Variants in IGSF11 observed in about 807,000 individuals in gnomAD.
IGSF11 encodes immunoglobulin superfamily member 11.
A neutral mutation model predicts 41.0 loss-of-function variants in IGSF11; 22 were observed. The observed-to-expected ratio is 0.54, with a 90% CI of 0.38 to 0.77. The LOEUF is 0.77. Ranked by LOEUF, IGSF11 falls within the 30% of genes least tolerant of loss-of-function variation. IGSF11 has a pLI of 0.00. For missense variants in IGSF11, 444 were observed against 530.8 expected (o/e 0.84, Z 1.61); for synonymous variants, 219 against 201.3 (o/e 1.09, Z -0.74).
chr3:118,951,084 C>T (rs1195278659), intron 1 of IGSF11, among the ~76,000 whole-genome samples: 1 of 152,184 alleles, frequency 6.6e-6, no homozygotes, highest in African/African-American at 2.4e-5. Context: ...TGTATCTGCA[C>T]CACCCAACAT....
At chr3:119,079,333 C>T (rs1284022717) in intron 1 of IGSF11, among the ~76,000 whole-genome samples, 1 of 151,600 alleles carries the variant, frequency 6.6e-6, no homozygotes. Context: ...GCACTCCAGC[C>T]TGTGTGACAG....
chr3:118,959,086 A>ACATC (rs1202522096), intron 1 of IGSF11, among the ~76,000 whole-genome samples: 1 of 152,194 alleles, frequency 6.6e-6, no homozygotes, highest in Non-Finnish European at 1.5e-5. Flanking sequence ...AATGTTGGAT[A>ACATC]CATCATATTA....
intron 1 of IGSF11, among the ~76,000 whole-genome samples, chr3:118,941,292 T>C (rs565966001): frequency 6.6e-6 from 1 of 152,156 alleles, no homozygotes; most frequent in Admixed American, 6.5e-5. Flanking sequence ...AAACAAACAG[T>C]CCAATTTTTT....
intron 1 of IGSF11, among the ~76,000 whole-genome samples, chr3:119,132,707 C>T (rs2077502151): frequency 1.3e-5 from 2 of 152,110 alleles, no homozygotes; most frequent in Admixed American, 6.5e-5. Context: ...CTCAGCTCTA[C>T]ACCAAGCAGA....
At chr3:119,014,377 C>A (rs973751914) in intron 1 of IGSF11, among the ~76,000 whole-genome samples, 1 of 152,192 alleles carries the variant, frequency 6.6e-6, no homozygotes, top group East Asian at 1.9e-4. Flanking sequence ...TGTACCTAAA[C>A]AACCCTGCCA....
intron 1 of IGSF11, among the ~76,000 whole-genome samples, chr3:119,135,349 C>T (rs1471473502): frequency 6.6e-6 from 1 of 152,178 alleles, no homozygotes; most frequent in Non-Finnish European, 1.5e-5. Flanking sequence ...CTACAAAAAA[C>T]TCAAACAAAT....
intron 1 of IGSF11, among the ~76,000 whole-genome samples, chr3:118,967,989 G>A (rs570827619): frequency 6.6e-6 from 1 of 152,272 alleles, no homozygotes; most frequent in Non-Finnish European, 1.5e-5. Flanking sequence ...GAGAGAGAGA[G>A]AGAGAATTTT....
intron 1 of IGSF11, among the ~76,000 whole-genome samples, chr3:118,951,444 C>A (rs549731165): frequency 6.6e-6 from 1 of 152,114 alleles, no homozygotes; most frequent in Non-Finnish European, 1.5e-5. Flanking sequence ...CAACTACACA[C>A]ACACATAAGC....
chr3:119,120,807 A>G (rs902211203), intron 1 of IGSF11, among the ~76,000 whole-genome samples: 2 of 152,250 alleles, frequency 1.3e-5, no homozygotes, highest in Non-Finnish European at 2.9e-5. Flanking sequence ...TTCCAGGTAC[A>G]GCTGATGGAA....
At position 118,930,278 on chromosome 3, in the gene IGSF11, A is replaced by G. The variant is rs777437948; in HGVS notation, c.53-3T>C. On this transcript the variant is annotated splice_polypyrimidine_tract_variant and splice_region_variant and intron_variant, in intron 1 of 6. Transcript: ENST00000393775. ...CACTTCCAGGGATGCTGCAACACCT[A>G]CAGAAGAAGGAACAGGGAGGTTATA... 16 of 1,610,290 alleles carry G rather than the reference A, an allele frequency of 9.9e-6. No individual in the cohort carries two copies. Among genetic ancestry groups the G allele is most frequent in the Admixed American group, 1.7e-5 (1 of 59,378 alleles).
chr3:119,020,868 C>T (rs1210481308), intron 1 of IGSF11, among the ~76,000 whole-genome samples: 1 of 152,188 alleles, frequency 6.6e-6, no homozygotes, highest in Non-Finnish European at 1.5e-5. Flanking sequence ...TTCTGATTCA[C>T]ATACATCTCC....
intron 1 of IGSF11, among the ~76,000 whole-genome samples, chr3:118,953,873 T>C (rs1944766882): frequency 6.6e-6 from 1 of 152,232 alleles, no homozygotes; most frequent in Non-Finnish European, 1.5e-5. Flanking sequence ...CCGCTGATGG[T>C]TTCTTTTGCT....
At chr3:118,988,494 T>C (rs1013610265) in intron 1 of IGSF11, among the ~76,000 whole-genome samples, 1 of 152,074 alleles carries the variant, frequency 6.6e-6, no homozygotes, top group African/African-American at 2.4e-5. Context: ...TCACAGGAAA[T>C]TGGGCAAGTT....
At chr3:118,994,583 G>T (rs756825336) in intron 1 of IGSF11, among the ~76,000 whole-genome samples, 3 of 152,138 alleles carry the variant, frequency 2.0e-5, no homozygotes, top group Admixed American at 2.0e-4. Flanking sequence ...ACTTAAGCCT[G>T]GGAGGTTGAG....
intron 1 of IGSF11, among the ~76,000 whole-genome samples, chr3:119,056,932 C>A (rs139267952): frequency 3.9e-5 from 6 of 152,252 alleles, no homozygotes; most frequent in African/African-American, 1.2e-4. Context: ...GCCCTTCATG[C>A]TAAATATTCT....
rs192209806 is a variant in IGSF11, at chr3:118,946,302, G to A, written c.53-16027C>T. On this transcript the variant is annotated intron_variant, in intron 1 of 6. Transcript: ENST00000393775. Reference sequence around the variant, plus strand: ...TAAAAAAATCACACAACTTCCCCCCGAAATTTCATATTGCTATGGAAGACT... The same window carrying A: ...TAAAAAAATCACACAACTTCCCCCCAAAATTTCATATTGCTATGGAAGACT... 1.3e-3 allele frequency among the ~76,000 whole-genome samples: 203 copies of A among 150,912 alleles called. 1 individual carries two copies. The highest frequency in any genetic ancestry group is 1.5e-4 in the Non-Finnish European group (10 of 67,824).
rs374674136 is a variant in IGSF11 at position 118,902,857 on chromosome 3, C to T, written c.959G>A (p.Arg320Gln). Residue 320 changes from arginine (R) to glutamine (Q), a missense_variant, in exon 7 of 7, where the codon CGA (arginine) becomes CAA (glutamine). By Grantham distance (43) the Arg-to-Gln change is conservative (BLOSUM62 1). Transcript: ENST00000393775. ...AACTTTTGGATTGTTGCTCCAGTAT[C>T]GACTGTTGTAGGCATTGGAAGAGGT... Reference protein sequence around the residue: ...TLTSSNAYNSRYWSNNPKVHR... With the variant: ...TLTSSNAYNSQYWSNNPKVHR... 2.1e-4 allele frequency: 333 copies of T among 1,614,014 alleles called. 3 individuals are homozygous for T. The East Asian group carries it at 7.0e-3, about 34-fold the overall frequency.
intron 1 of IGSF11, among the ~76,000 whole-genome samples, chr3:118,967,231 A>G (rs757560841): frequency 1.3e-5 from 2 of 152,106 alleles, no homozygotes; most frequent in Non-Finnish European, 2.9e-5. Context: ...AGATATATAT[A>G]TAATCTTTTA....
intron 3 of IGSF11, among the ~76,000 whole-genome samples, chr3:118,926,620 T>C (rs1942341142): frequency 6.6e-6 from 1 of 152,198 alleles, no homozygotes; most frequent in Non-Finnish European, 1.5e-5. Flanking sequence ...GAGGCCACTT[T>C]TCAAGATTTC....
Sources: gnomAD v4.1 joint callset for allele counts (sites outside exome capture counted in the v4.1 genomes callset) on GRCh38, gnomAD v4.1.1 for gene constraint, MANE v1.5 for transcripts, NCBI Gene and HGNC (gene_info 2026-07-23, HGNC 2026-07-21) for gene names.